The following WASF3 variants were observed in gnomAD, a reference collection of about 807,000 sequenced individuals.
WASF3 encodes WASP family member 3.
Under a neutral mutation model 46.6 loss-of-function variants are expected in WASF3, and 11 were observed. That is an observed-to-expected ratio of 0.24 (90% CI 0.15 to 0.39). WASF3 has a LOEUF of 0.39. Ranked by LOEUF, WASF3 falls within the 10% of genes least tolerant of loss-of-function variation. The probability of loss-of-function intolerance (pLI) is 1.00; values close to 1 mark genes in which losing one functional copy is unlikely to be tolerated. For synonymous variants in WASF3, 242 were observed against 259.7 expected, an observed-to-expected ratio of 0.93 and a Z score of 0.65; for missense variants, 576 against 669.8, an observed-to-expected ratio of 0.86 and a Z score of 1.55.
intron 3 of WASF3, among the ~76,000 whole-genome samples, chr13:26,652,370 G>C (rs779351256): frequency 3.3e-5 from 5 of 152,160 alleles, no homozygotes; most frequent in Non-Finnish European, 5.9e-5. Context: ...AAACTACATG[G>C]AATAAAAATA....
chr13:26,627,140 A>G (rs1317611443), intron 2 of WASF3, among the ~76,000 whole-genome samples: 1 of 152,230 alleles, frequency 6.6e-6, no homozygotes, highest in Non-Finnish European at 1.5e-5. Flanking sequence ...TACAACATGT[A>G]AAATTAGAGG....
intron 7 of WASF3, among the ~76,000 whole-genome samples, chr13:26,677,652 T>C (rs1158620059): frequency 6.6e-6 from 1 of 152,232 alleles, no homozygotes; most frequent in African/African-American, 2.4e-5. Flanking sequence ...AGGCAAGTTC[T>C]GGTAATTTTT....
At chr13:26,623,273 CTT>C (rs1328974476) in intron 2 of WASF3, among the ~76,000 whole-genome samples, 1 of 152,190 alleles carries the variant, frequency 6.6e-6, no homozygotes, top group Non-Finnish European at 1.5e-5. Flanking sequence ...GACAGAACCT[CTT>C]TTGATCGTGC....
the WASF3 span, among the ~76,000 whole-genome samples, chr13:26,552,541 G>A: frequency 6.6e-6 from 1 of 152,194 alleles, no homozygotes; most frequent in Admixed American, 6.5e-5. Flanking sequence ...TCGGGTAAGT[G>A]AAGTATGTTT....
At chr13:26,623,730 G>A (rs1287817521) in intron 2 of WASF3, among the ~76,000 whole-genome samples, 3 of 152,200 alleles carry the variant, frequency 2.0e-5, no homozygotes, top group Non-Finnish European at 4.4e-5. Flanking sequence ...GCCAGGGAGA[G>A]CAAGGAGCCT....
chr13:26,676,109 A>G (rs1172119121), intron 6 of WASF3, among the ~76,000 whole-genome samples: 1 of 152,218 alleles, frequency 6.6e-6, no homozygotes, highest in African/African-American at 2.4e-5. Flanking sequence ...GAAATTGGGA[A>G]CAGAATGTTT....
rs560787071 is a variant in WASF3, at chr13:26,577,367, C to T, written c.-109+19548C>T. The T allele has an allele frequency of 1.0e-3, 764 of 767,406 alleles. 2 individuals are homozygous for T. Among genetic ancestry groups the T allele is most frequent in the South Asian group, 1.5e-3 (108 of 74,422 alleles). The allele number at this position is 767,406 out of a possible 1,614,324, so 47.5% of individuals were successfully genotyped here. On this transcript the variant is annotated intron_variant, in intron 1 of 9. Coordinates refer to ENST00000335327, the MANE Select transcript of WASF3 (RefSeq NM_006646.6). ...CTTTTATGCTCAGCACCAACAGGTC[C>T]GCCAAATCCGGAAGAATATGATGGA...
At chr13:26,642,428 C>G in intron 3 of WASF3, 25 bp downstream of exon 3, 1 of 1,563,368 alleles carries the variant, frequency 6.4e-7, no homozygotes, top group Non-Finnish European at 8.6e-7. Context: ...TTCTGATTAC[C>G]AATGACATTA....
chr13:26,670,314 A>T (rs561335318), intron 5 of WASF3, among the ~76,000 whole-genome samples: 1 of 151,960 alleles, frequency 6.6e-6, no homozygotes, highest in Admixed American at 6.6e-5. Flanking sequence ...ATATGGGCAC[A>T]GGGAGGGGAA....
chr13:26,598,774 G>C (rs1593139744), intron 1 of WASF3, among the ~76,000 whole-genome samples: 1 of 152,232 alleles, frequency 6.6e-6, no homozygotes, highest in East Asian at 1.9e-4. Context: ...TAGCTTGGCT[G>C]CTAGCCTTTC....
chr13:26,683,105 A>G, intron 9 of WASF3, 131 bp downstream of exon 9: 1 of 1,307,854 alleles, frequency 7.6e-7, no homozygotes, highest in Non-Finnish European at 1.0e-6. Context: ...AAGGGGTCTT[A>G]CTTGATTTTT....
intron 1 of WASF3, among the ~76,000 whole-genome samples, chr13:26,598,897 G>A (rs1593139800): frequency 6.6e-6 from 1 of 152,272 alleles, no homozygotes; most frequent in East Asian, 1.9e-4. Flanking sequence ...TTGAGACGGA[G>A]TCTCGCTCTG....
chr13:26,664,693 G>A (rs550121215), intron 3 of WASF3, among the ~76,000 whole-genome samples: 1 of 152,330 alleles, frequency 6.6e-6, no homozygotes, highest in Non-Finnish European at 1.5e-5. Context: ...GTGAAAGTTT[G>A]GTTCCTGAGA....
chr13:26,634,873 G>T (rs1312110109), intron 2 of WASF3, among the ~76,000 whole-genome samples: 1 of 152,142 alleles, frequency 6.6e-6, no homozygotes, highest in Non-Finnish European at 1.5e-5. Flanking sequence ...GTCTGATGGG[G>T]TTCCCTTTGT....
chr13:26,563,179 G>T (rs1879353677), intron 1 of WASF3, among the ~76,000 whole-genome samples: 1 of 151,514 alleles, frequency 6.6e-6, no homozygotes, highest in Non-Finnish European at 1.5e-5. Flanking sequence ...ACTTACCTCA[G>T]CACCAGTTTT....
intron 1 of WASF3, among the ~76,000 whole-genome samples, chr13:26,585,499 T>C (rs1026611636): frequency 2.0e-5 from 3 of 152,316 alleles, no homozygotes; most frequent in African/African-American, 7.2e-5. Context: ...TGAAGTATAA[T>C]TCTGTGTTAC....
intron 5 of WASF3, 100 bp from the exon 6 acceptor site, chr13:26,671,772 A>T: frequency 2.6e-6 from 2 of 755,274 alleles, no homozygotes; most frequent in Admixed American, 2.8e-5. Context: ...CCCCATGTAG[A>T]TGTTATAATT....
intron 1 of WASF3, among the ~76,000 whole-genome samples, chr13:26,570,368 C>T (rs1879599400): frequency 6.6e-6 from 1 of 152,116 alleles, no homozygotes; most frequent in Admixed American, 6.5e-5. Flanking sequence ...TAATCTAATA[C>T]AAAACTACAA....
chr13:26,587,004 G>A (rs190123943), intron 1 of WASF3, among the ~76,000 whole-genome samples: 1 of 150,804 alleles, frequency 6.6e-6, no homozygotes, highest in East Asian at 2.0e-4. Context: ...TTGGGAGGTT[G>A]AGGTGGGCGG....
Sources: allele counts gnomAD v4.1 joint callset (sites outside exome capture counted in the v4.1 genomes callset), GRCh38; gene constraint gnomAD v4.1.1; transcripts MANE v1.5; gene names NCBI Gene and HGNC (gene_info 2026-07-23, HGNC 2026-07-21).